ADAM22: variants seen among roughly 807,000 people sequenced by gnomAD.
The protein encoded by ADAM22 is ADAM metallopeptidase domain 22.
A neutral mutation model predicts 144.6 loss-of-function variants in ADAM22; 65 were observed. That is an observed-to-expected ratio of 0.45 (90% CI 0.37 to 0.55). The LOEUF (loss-of-function observed/expected upper bound fraction) is 0.55, where lower values mean the gene tolerates loss of function less well. ADAM22 is among the 20% of genes least tolerant of loss of function. The pLI is 0.00. For synonymous variants in ADAM22, 391 were observed against 412.6 expected (o/e 0.95, Z 0.63); for missense variants, 974 against 1,184.9 (o/e 0.82, Z 2.61).
intron 3 of ADAM22, among the ~76,000 whole-genome samples, chr7:88,035,683 T>C (rs920416870): frequency 2.4e-4 from 36 of 152,240 alleles, no homozygotes; most frequent in Non-Finnish European, 1.0e-4. Context: ...GTATTAGATA[T>C]TATAAGTAAT....
chr7:88,021,920 TG>T (rs1436859126), intron 3 of ADAM22, among the ~76,000 whole-genome samples: 2 of 151,994 alleles, frequency 1.3e-5, no homozygotes, highest in African/African-American at 2.4e-5. Context: ...TCGCTCAGGC[TG>T]GGGTGCAGTG....
chr7:87,946,649 T>C (rs1396243913), intron 2 of ADAM22, among the ~76,000 whole-genome samples: 1 of 152,214 alleles, frequency 6.6e-6, no homozygotes, highest in Non-Finnish European at 1.5e-5. Flanking sequence ...TTGTTGAAGA[T>C]CAGATGGCTG....
At chr7:87,990,306 T>C (rs1789494098) in intron 3 of ADAM22, among the ~76,000 whole-genome samples, 1 of 152,188 alleles carries the variant, frequency 6.6e-6, no homozygotes, top group Admixed American at 6.5e-5. Flanking sequence ...CTGGAGATAA[T>C]TGTAGATCAT....
chr7:88,083,856 G>A (rs987699721), intron 4 of ADAM22, among the ~76,000 whole-genome samples: 1 of 151,938 alleles, frequency 6.6e-6, no homozygotes, highest in Non-Finnish European at 1.5e-5. Context: ...CCTACAGAAA[G>A]GACAGGATTC....
chr7:88,066,794 G>A (rs1377867869), intron 3 of ADAM22, among the ~76,000 whole-genome samples: 2 of 152,048 alleles, frequency 1.3e-5, no homozygotes, highest in Non-Finnish European at 2.9e-5. Flanking sequence ...GTTCCTGGTA[G>A]GAAATTGAAG....
In ADAM22 at chr7:88,061,228, C is replaced by T. The variant is rs116112805; in HGVS notation, c.324-14398C>T. Among the ~76,000 whole-genome samples the T allele has an allele frequency of 3.6e-3, 548 of 152,278 alleles. 5 individuals are homozygous for T. The highest frequency in any genetic ancestry group is 0.012 in the African/African-American group (517 of 41,522). Reference sequence around the variant, plus strand: ...TCTACGACATCTGCAGGACTTCCTCCACTGAAGTCTTTAACCCTAAACCAT... The same window carrying T: ...TCTACGACATCTGCAGGACTTCCTCTACTGAAGTCTTTAACCCTAAACCAT... On this transcript the variant is annotated intron_variant, in intron 3 of 31. Coordinates refer to ENST00000413139, the MANE Select transcript of ADAM22 (RefSeq NM_001324418.2).
chr7:88,125,451 C>T (rs1585958289), intron 7 of ADAM22, 138 bp from the exon 8 acceptor site: 2 of 555,928 alleles, frequency 3.6e-6, no homozygotes, highest in Non-Finnish European at 6.4e-6. Flanking sequence ...ACTACAGTTA[C>T]TTAATGGTTT....
At chr7:87,958,356 A>G (rs1238300559) in intron 2 of ADAM22, among the ~76,000 whole-genome samples, 4 of 151,862 alleles carry the variant, frequency 2.6e-5, no homozygotes, top group Non-Finnish European at 5.9e-5. Flanking sequence ...TGGAACCATA[A>G]GACTTTAAAG....
intron 12 of ADAM22, among the ~76,000 whole-genome samples, chr7:88,133,639 T>A (rs1184584992): frequency 6.6e-6 from 1 of 152,156 alleles, no homozygotes; most frequent in African/African-American, 2.4e-5. Context: ...CCCTGAAGCA[T>A]CAGGTTGTCA....
intron 3 of ADAM22, among the ~76,000 whole-genome samples, chr7:88,038,177 C>T (rs1331674065): frequency 6.6e-6 from 1 of 151,850 alleles, no homozygotes; most frequent in African/African-American, 2.4e-5. Context: ...TATACTCCAT[C>T]TATTCTATGG....
chr7:88,024,616 A>C (rs921949133), intron 3 of ADAM22, among the ~76,000 whole-genome samples: 1 of 152,004 alleles, frequency 6.6e-6, no homozygotes, highest in Non-Finnish European at 1.5e-5. Flanking sequence ...CTTGTTACAT[A>C]TGTATACATA....
intron 4 of ADAM22, among the ~76,000 whole-genome samples, chr7:88,087,951 A>G (rs1818849776): frequency 6.6e-6 from 1 of 152,182 alleles, no homozygotes; most frequent in Admixed American, 6.5e-5. Flanking sequence ...TCTTAATTGT[A>G]TTCATAGTTG....
In ADAM22 at chr7:88,190,537, A is replaced by AAAAAT. The variant is rs545615522; in HGVS notation, c.2751-2563_2751-2559dup. Among the ~76,000 whole-genome samples the AAAAAT allele has an allele frequency of 2.5e-4, 38 of 152,242 alleles. No homozygotes were observed. In the East Asian group the frequency reaches 7.0e-3, roughly 28 times the overall value. On this transcript the variant is annotated intron_variant, in intron 30 of 31. Coordinates refer to ENST00000413139, the MANE Select transcript of ADAM22 (RefSeq NM_001324418.2). ...GGTGACAGAGTGAGACTCCATCTCA[A>AAAAAT]AAAATAAAATAAAATAAAATGCAGT...
At chr7:88,125,537 TGAA>T (rs1320559296) in intron 7 of ADAM22, 49 bp from the exon 8 acceptor site, 14 of 1,367,194 alleles carry the variant, frequency 1.0e-5, no homozygotes, top group Non-Finnish European at 1.3e-5. Flanking sequence ...TGCCCTGTAT[TGAA>T]GAAATCTGAC....
At chr7:87,940,033 G>T (rs1408213448) in intron 2 of ADAM22, among the ~76,000 whole-genome samples, 1 of 151,724 alleles carries the variant, frequency 6.6e-6, no homozygotes, top group Non-Finnish European at 1.5e-5. Context: ...CTCTATGAAG[G>T]GTACAAAAAT....
intron 22 of ADAM22, among the ~76,000 whole-genome samples, chr7:88,158,223 C>T (rs1033863579): frequency 6.6e-6 from 1 of 152,066 alleles, no homozygotes; most frequent in South Asian, 2.1e-4. Context: ...TATATATGCA[C>T]CCAACACAGG....
intron 4 of ADAM22, among the ~76,000 whole-genome samples, chr7:88,103,753 C>G (rs1823589703): frequency 6.6e-6 from 1 of 152,030 alleles, no homozygotes; most frequent in Non-Finnish European, 1.5e-5. Context: ...GTATATAATA[C>G]TTACTTCCAT....
intron 2 of ADAM22, among the ~76,000 whole-genome samples, chr7:87,947,137 T>C (rs560780394): frequency 1.2e-4 from 19 of 152,252 alleles, no homozygotes; most frequent in Admixed American, 1.1e-3. Flanking sequence ...ATCATTCATA[T>C]CCCAAATCTC....
At chr7:87,954,241 T>C (rs1208967882) in intron 2 of ADAM22, among the ~76,000 whole-genome samples, 1 of 152,228 alleles carries the variant, frequency 6.6e-6, no homozygotes, top group Admixed American at 6.5e-5. Flanking sequence ...CTAGTCTCGA[T>C]GGTCTTTACA....
Sources: allele counts gnomAD v4.1 joint callset (sites outside exome capture counted in the v4.1 genomes callset), GRCh38; gene constraint gnomAD v4.1.1; transcripts MANE v1.5; gene names NCBI Gene and HGNC (gene_info 2026-07-23, HGNC 2026-07-21).